The following ROBO2 variants were observed in gnomAD, a reference collection of about 807,000 sequenced individuals.
The protein encoded by ROBO2 is roundabout homolog 2.
A neutral mutation model predicts 160.8 loss-of-function variants in ROBO2; 53 were observed. The observed-to-expected ratio is 0.33, with a 90% CI of 0.26 to 0.41. The LOEUF (loss-of-function observed/expected upper bound fraction) is 0.41, where lower values mean the gene tolerates loss of function less well. Ranked by LOEUF, ROBO2 falls within the 10% of genes least tolerant of loss-of-function variation. The pLI, the probability that ROBO2 is intolerant of heterozygous loss-of-function variation, is 1.00. For missense variants in ROBO2, 1,577 were observed against 1,722.4 expected, an observed-to-expected ratio of 0.92 and a Z score of 1.49; for synonymous variants, 664 against 611.7, an observed-to-expected ratio of 1.09 and a Z score of -1.26.
chr3:76,342,750 T>A (rs756667846), intron 2 of ROBO2, among the ~76,000 whole-genome samples: 35 of 152,122 alleles, frequency 2.3e-4, no homozygotes, highest in Middle Eastern at 3.2e-3. Context: ...TACTGTATTT[T>A]CAAAATATAT....
intron 2 of ROBO2, among the ~76,000 whole-genome samples, chr3:76,785,739 G>A (rs1203689274): frequency 6.6e-6 from 1 of 151,154 alleles, no homozygotes; most frequent in African/African-American, 2.4e-5. Context: ...CCTTGCCACT[G>A]CCAGAAATGT....
intron 2 of ROBO2, among the ~76,000 whole-genome samples, chr3:76,624,712 C>T (rs1215713753): frequency 1.5e-5 from 2 of 137,460 alleles, no homozygotes; most frequent in East Asian, 2.4e-4. Flanking sequence ...GGAGGAGAAT[C>T]GCTTGCACCT....
chr3:77,133,462 A>G (rs2076021224), intron 2 of ROBO2, among the ~76,000 whole-genome samples: 2 of 152,216 alleles, frequency 1.3e-5, no homozygotes, highest in Non-Finnish European at 2.9e-5. Flanking sequence ...GAAACCATCA[A>G]AAGAAATCTT....
intron 2 of ROBO2, among the ~76,000 whole-genome samples, chr3:75,993,087 G>C (rs1279449874): frequency 1.3e-5 from 2 of 152,096 alleles, no homozygotes; most frequent in African/African-American, 2.4e-5. Flanking sequence ...TGGACTTTTG[G>C]GTTATTGCTG....
chr3:76,725,665 C>T (rs2093539733), intron 2 of ROBO2, among the ~76,000 whole-genome samples: 2 of 152,220 alleles, frequency 1.3e-5, no homozygotes, highest in South Asian at 2.1e-4. Context: ...CCTGAGTCAA[C>T]GTAGTCATAT....
chr3:76,912,433 ATTGT>A (rs1358696560), intron 2 of ROBO2, among the ~76,000 whole-genome samples: 1 of 152,220 alleles, frequency 6.6e-6, no homozygotes, highest in Non-Finnish European at 1.5e-5. Flanking sequence ...CCCAGCACAG[ATTGT>A]TTAAGAATGT....
intron 2 of ROBO2, among the ~76,000 whole-genome samples, chr3:76,467,336 T>C (rs1164758728): frequency 1.3e-5 from 2 of 152,124 alleles, no homozygotes; most frequent in Non-Finnish European, 2.9e-5. Context: ...ATAGAAAAGC[T>C]AAGAAAACAA....
At chr3:76,954,708 T>G (rs2079144841) in intron 2 of ROBO2, among the ~76,000 whole-genome samples, 1 of 152,194 alleles carries the variant, frequency 6.6e-6, no homozygotes, top group Admixed American at 6.5e-5. Flanking sequence ...TCAGAATGAT[T>G]TTATTGTCAT....
intron 2 of ROBO2, among the ~76,000 whole-genome samples, chr3:76,147,737 T>G (rs2071973226): frequency 1.3e-5 from 2 of 151,768 alleles, no homozygotes. Context: ...CCTGAGGAGT[T>G]TTGGGCTGGA....
intron 5 of ROBO2, among the ~76,000 whole-genome samples, chr3:77,519,167 A>G (rs1057152433): frequency 4.0e-5 from 6 of 151,466 alleles, no homozygotes; most frequent in Non-Finnish European, 7.4e-5. Context: ...CATAGAATGC[A>G]CAATTACTTT....
intron 2 of ROBO2, among the ~76,000 whole-genome samples, chr3:76,640,302 G>A (rs1424572614): frequency 6.6e-6 from 1 of 152,150 alleles, no homozygotes. Flanking sequence ...AAGCCTAGGG[G>A]AGCGGATTGC....
intron 2 of ROBO2, among the ~76,000 whole-genome samples, chr3:77,443,914 A>C (rs1581990321): frequency 6.6e-6 from 1 of 152,132 alleles, no homozygotes; most frequent in Non-Finnish European, 1.5e-5. Flanking sequence ...CTTGATTCTC[A>C]TGTCATTCTT....
At chr3:77,401,533 A>C (rs1303598904) in intron 2 of ROBO2, among the ~76,000 whole-genome samples, 1 of 152,152 alleles carries the variant, frequency 6.6e-6, no homozygotes, top group Non-Finnish European at 1.5e-5. Flanking sequence ...TACAGAAGTA[A>C]ACCTATTGGG....
chr3:76,512,304 A>T (rs1357910425), intron 2 of ROBO2, among the ~76,000 whole-genome samples: 2 of 122,448 alleles, frequency 1.6e-5, no homozygotes, highest in East Asian at 4.8e-4. Flanking sequence ...CTGGTTGCAG[A>T]AATTTATATA....
chr3:76,380,869 G>C lies in ROBO2; in HGVS notation c.109+443267G>C, dbSNP rs183078535. ...GATAAAGTATCATTGTTTGGAATAA[G>C]TAATGACCATTTCCATCATGATAGA... On this transcript the variant is annotated intron_variant, in intron 2 of 26. Transcript: ENST00000487694. Among the ~76,000 whole-genome samples the C allele has an allele frequency of 9.9e-5, 15 of 152,192 alleles. No homozygotes were observed. In the Middle Eastern group the frequency reaches 0.01, roughly 104 times the overall value.
At chr3:76,398,437 G>A (rs893440430) in intron 2 of ROBO2, among the ~76,000 whole-genome samples, 1 of 151,470 alleles carries the variant, frequency 6.6e-6, no homozygotes, top group Admixed American at 6.6e-5. Flanking sequence ...TAACTAACCT[G>A]CACATTGTGC....
At chr3:76,526,777 T>A (rs2081970884) in intron 2 of ROBO2, among the ~76,000 whole-genome samples, 1 of 152,090 alleles carries the variant, frequency 6.6e-6, no homozygotes, top group Admixed American at 6.6e-5. Context: ...GCATGATTAA[T>A]GTCCTACATA....
intron 2 of ROBO2, among the ~76,000 whole-genome samples, chr3:76,293,408 T>C (rs1397328256): frequency 6.6e-6 from 1 of 152,184 alleles, no homozygotes. Flanking sequence ...GGGGCCAGAC[T>C]GAACCGGAAT....
At chr3:76,694,372 A>C (rs2107300108) in intron 2 of ROBO2, among the ~76,000 whole-genome samples, 1 of 152,298 alleles carries the variant, frequency 6.6e-6, no homozygotes, top group African/African-American at 2.4e-5. Context: ...ACGATCCAAT[A>C]GCTTGAAACT....
Sources: gnomAD v4.1 joint callset for allele counts (sites outside exome capture counted in the v4.1 genomes callset) on GRCh38, gnomAD v4.1.1 for gene constraint, MANE v1.5 for transcripts, NCBI Gene and HGNC (gene_info 2026-07-23, HGNC 2026-07-21) for gene names.